The following MALRD1 variants were observed in gnomAD, a reference collection of about 807,000 sequenced individuals.
MALRD1 encodes MAM and LDL-receptor class A domain-containing protein 1.
MALRD1 carries 247 observed loss-of-function variants against 242.1 expected under a neutral mutation model. The observed-to-expected ratio is 1.02, with a 90% CI of 0.92 to 1.13. The LOEUF is 1.13. Among genes scored for constraint, MALRD1 ranks in the 50% most tolerant of loss-of-function variants. The probability of loss-of-function intolerance (pLI) is 0.00; values close to 1 mark genes in which losing one functional copy is unlikely to be tolerated. For synonymous variants in MALRD1, 995 were observed against 866.6 expected (o/e 1.15, Z -2.60); for missense variants, 2,989 against 2,533.1 (o/e 1.18, Z -3.86).
chr10:19,440,365 T>C (rs940855692), intron 28 of MALRD1, among the ~76,000 whole-genome samples: 6 of 152,136 alleles, frequency 3.9e-5, no homozygotes, highest in African/African-American at 1.4e-4. Context: ...TATATTACAC[T>C]TTAAGTTCTA....
chr10:19,589,136 A>G (rs969722798), intron 33 of MALRD1, among the ~76,000 whole-genome samples: 13 of 152,360 alleles, frequency 8.5e-5, no homozygotes, highest in Admixed American at 2.6e-4. Context: ...ATCACATACA[A>G]TGTACAGACT....
At chr10:19,426,906 C>T (rs990945575) in intron 28 of MALRD1, among the ~76,000 whole-genome samples, 49 of 152,220 alleles carry the variant, frequency 3.2e-4, no homozygotes, top group African/African-American at 1.1e-3. Flanking sequence ...TCTCATAACA[C>T]TTTTCTAATT....
At chr10:19,673,351 C>T (rs1375158941) in intron 36 of MALRD1, among the ~76,000 whole-genome samples, 1 of 152,118 alleles carries the variant, frequency 6.6e-6, no homozygotes, top group African/African-American at 2.4e-5. Context: ...CGCGCCACTG[C>T]ACTCCAGCCT....
rs181415680 is a variant in MALRD1, at chr10:19,540,805, T to C, written c.5478+9454T>C. Reference sequence around the variant, plus strand: ...ATATTCACTTAAATTTACAAAAATATATATATTTTCAGAAATTAAAAATGG... The same window carrying C: ...ATATTCACTTAAATTTACAAAAATACATATATTTTCAGAAATTAAAAATGG... On this transcript the variant is annotated intron_variant, in intron 32 of 39. Coordinates refer to ENST00000454679, the MANE Select transcript of MALRD1 (RefSeq NM_001142308.3). Among the ~76,000 whole-genome samples the C allele has an allele frequency of 9.2e-5, 14 of 152,252 alleles. No homozygotes were observed. In the East Asian group the frequency reaches 2.5e-3, roughly 27 times the overall value.
intron 30 of MALRD1, among the ~76,000 whole-genome samples, chr10:19,495,195 T>G (rs1434642775): frequency 6.6e-6 from 1 of 152,116 alleles, no homozygotes; most frequent in Admixed American, 6.5e-5. Context: ...CAGGCTGGTT[T>G]CAAACTCCTG....
chr10:19,591,206 T>C (rs1837763609), intron 33 of MALRD1, among the ~76,000 whole-genome samples: 1 of 152,190 alleles, frequency 6.6e-6, no homozygotes, highest in African/African-American at 2.4e-5. Context: ...ACATTTAAGG[T>C]AGTGCTGAGG....
At chr10:19,655,564 A>ATATATG (rs1554821152) in intron 36 of MALRD1, among the ~76,000 whole-genome samples, 2 of 131,918 alleles carry the variant, frequency 1.5e-5, no homozygotes, top group Non-Finnish European at 1.6e-5. Context: ...ATATATATAT[A>ATATATG]TATATATGGA....
chr10:19,392,651 G>T (rs1291380270), intron 28 of MALRD1, among the ~76,000 whole-genome samples: 1 of 152,088 alleles, frequency 6.6e-6, no homozygotes, highest in Non-Finnish European at 1.5e-5. Flanking sequence ...AGATGTAACT[G>T]AAACAAATGT....
chr10:19,216,953 A>G (rs969989944), intron 18 of MALRD1, among the ~76,000 whole-genome samples: 1 of 114,790 alleles, frequency 8.7e-6, no homozygotes, highest in Non-Finnish European at 2.0e-5. Flanking sequence ...CTCAAAAAAA[A>G]AAAAATAAAA....
intron 13 of MALRD1, among the ~76,000 whole-genome samples, chr10:19,171,946 A>C (rs868091523): frequency 1.6e-5 from 2 of 123,552 alleles, no homozygotes; most frequent in South Asian, 2.5e-4. Flanking sequence ...TATATCATAT[A>C]ATATATGTAT....
intron 24 of MALRD1, among the ~76,000 whole-genome samples, chr10:19,341,488 ATATATG>A (rs1843860663): frequency 6.8e-6 from 1 of 146,370 alleles, no homozygotes; most frequent in Non-Finnish European, 1.5e-5. Context: ...ATATGTGTAT[ATATATG>A]TATATATGTA....
At chr10:19,721,569 A>G (rs192737704) in intron 38 of MALRD1, 28 of 152,334 alleles carry the variant, frequency 1.8e-4, no homozygotes, top group African/African-American at 6.0e-4. Context: ...CAAATCACAT[A>G]CTTCACAACC....
chr10:19,254,917 A>G, intron 18 of MALRD1, among the ~76,000 whole-genome samples: 1 of 151,976 alleles, frequency 6.6e-6, no homozygotes, highest in Non-Finnish European at 1.5e-5. Context: ...AGGCTAAAAC[A>G]TGTGTTTGTA....
At chr10:19,207,478 A>G (rs1836833948) in intron 17 of MALRD1, among the ~76,000 whole-genome samples, 1 of 152,184 alleles carries the variant, frequency 6.6e-6, no homozygotes, top group Admixed American at 6.6e-5. Context: ...CTATACATAC[A>G]TACCTATGAT....
Position 19,200,034 on chromosome 10 carries a change from C to T in MALRD1, c.1952-3694C>T, listed in dbSNP as rs1265189111. Among the ~76,000 whole-genome samples the T allele has an allele frequency of 6.6e-5, 10 of 151,952 alleles. No individual in the cohort carries two copies. The South Asian group carries it at 8.3e-4, about 13-fold the overall frequency. ...TTCCCAGCTACTCAGGAGGCTGAGTCGGAGAACGGCCTGAGCCTGGGAGGT... is the reference window on the plus strand; with the variant it reads ...TTCCCAGCTACTCAGGAGGCTGAGTTGGAGAACGGCCTGAGCCTGGGAGGT... On this transcript the variant is annotated intron_variant, in intron 14 of 39. Transcript: ENST00000454679.
At chr10:19,212,483 T>C (rs1837113849) in intron 18 of MALRD1, among the ~76,000 whole-genome samples, 1 of 152,218 alleles carries the variant, frequency 6.6e-6, no homozygotes, top group Non-Finnish European at 1.5e-5. Flanking sequence ...GCAAGTTAAT[T>C]CATTAATGTA....
chr10:19,626,012 G>A (rs1839635341), intron 36 of MALRD1, among the ~76,000 whole-genome samples: 1 of 151,968 alleles, frequency 6.6e-6, no homozygotes, highest in South Asian at 2.1e-4. Context: ...TCATTCCAAA[G>A]TTTCAAAAAG....
chr10:19,602,002 C>T (rs1002547277), intron 34 of MALRD1, among the ~76,000 whole-genome samples: 2 of 151,830 alleles, frequency 1.3e-5, no homozygotes, highest in African/African-American at 4.8e-5. Flanking sequence ...CATATATAGA[C>T]ACATATTTTT....
intron 35 of MALRD1, among the ~76,000 whole-genome samples, chr10:19,614,806 T>C (rs1231611606): frequency 6.6e-6 from 1 of 152,070 alleles, no homozygotes. Flanking sequence ...TATACTGACA[T>C]TGATCGTGGA....
Sources: gnomAD v4.1 joint callset for allele counts (sites outside exome capture counted in the v4.1 genomes callset) on GRCh38, gnomAD v4.1.1 for gene constraint, MANE v1.5 for transcripts, NCBI Gene and HGNC (gene_info 2026-07-23, HGNC 2026-07-21) for gene names.